The following PCDHGA5 variants were observed in gnomAD, a reference collection of about 807,000 sequenced individuals.
PCDHGA5 encodes the protein protocadherin gamma subfamily A, 5.
Under a neutral mutation model 56.7 loss-of-function variants are expected in PCDHGA5, and 36 were observed. The ratio of observed to expected loss-of-function variants is 0.64; its 90% CI spans 0.49 to 0.84. The LOEUF (loss-of-function observed/expected upper bound fraction) is 0.84. Ranked by LOEUF, PCDHGA5 falls within the 40% of genes least tolerant of loss-of-function variation. The pLI is 0.00. For missense variants in PCDHGA5, 1,305 were observed against 1,201.5 expected, an observed-to-expected ratio of 1.09 and a Z score of -1.27; for synonymous variants, 563 against 520.2, an observed-to-expected ratio of 1.08 and a Z score of -1.12.
chr5:141,399,642 G>T lies in PCDHGA5; in HGVS notation c.2421+32891G>T. 1.9e-6 allele frequency: 3 copies of T among 1,613,750 alleles called. 1 individual carries two copies. Among genetic ancestry groups the T allele is most frequent in the Non-Finnish European group, 2.5e-6 (3 of 1,179,856 alleles). ...TGGCCTCTTACGTGTCCATGAGCGC[G>T]CAAAGTGGGGTGGTGTTCGCGCAGC... On this transcript the variant is annotated intron_variant, in intron 1 of 3. Transcript: ENST00000518069.
Position 141,486,092 on chromosome 5 carries a change from C to G in PCDHGA5, c.2422-8715C>G. ...TACTGGAAAGCTTACTCTTTTGGGG[C>G]CCCTAGACTTTGAGAGTGAGAATTA... On this transcript the variant is annotated intron_variant, in intron 1 of 3. Transcript: ENST00000518069. The surrounding 1 kb of genome is among the most constrained non-coding windows in gnomAD (Gnocchi z 5.0). The G allele has an allele frequency of 6.2e-7, 1 of 1,614,148 alleles. No individual in the cohort carries two copies. Among genetic ancestry groups the G allele is most frequent in the South Asian group, 1.1e-5 (1 of 91,080 alleles).
intron 1 of PCDHGA5, chr5:141,404,633 G>C: frequency 6.2e-7 from 1 of 1,614,170 alleles, no homozygotes; most frequent in Non-Finnish European, 8.5e-7. Flanking sequence ...CAATGCCCCA[G>C]AAATCCTGTA....
At chr5:141,383,861 C>A (rs1284375260) in intron 1 of PCDHGA5, 1 of 1,613,936 alleles carries the variant, frequency 6.2e-7, no homozygotes, top group East Asian at 2.2e-5. Context: ...GAGGTTCAGG[C>A]TCAAGATGGT....
At chr5:141,418,863 TAG>T (rs1165304037) in intron 1 of PCDHGA5, 1 of 1,613,990 alleles carries the variant, frequency 6.2e-7, no homozygotes, top group Non-Finnish European at 8.5e-7. Context: ...AAAGTAATTG[TAG>T]AAGTTGTAGA....
At position 141,490,870 on chromosome 5, in the gene PCDHGA5, T is replaced by C; in HGVS notation, c.2422-3937T>C. Reference sequence around the variant, plus strand: ...GGTTCGAGACTCCGGCTCTCCCCCATTGCATGCCAACACATCTCTGCATGT... The same window carrying C: ...GGTTCGAGACTCCGGCTCTCCCCCACTGCATGCCAACACATCTCTGCATGT... On this transcript the variant is annotated intron_variant, in intron 1 of 3. Coordinates refer to ENST00000518069, the MANE Select transcript of PCDHGA5 (RefSeq NM_018918.3). The surrounding 1 kb of genome is among the most constrained non-coding windows in gnomAD (Gnocchi z 5.4). 6.2e-7 allele frequency: 1 copy of C among 1,613,888 alleles called. No homozygotes were observed. Among genetic ancestry groups the C allele is most frequent in the Non-Finnish European group, 8.5e-7 (1 of 1,179,932 alleles).
chr5:141,419,539 G>A, intron 1 of PCDHGA5: 3 of 1,612,058 alleles, frequency 1.9e-6, no homozygotes, highest in Non-Finnish European at 2.5e-6. Flanking sequence ...ACAACGCACC[G>A]CGGGTGCTGT....
intron 1 of PCDHGA5, among the ~76,000 whole-genome samples, chr5:141,405,996 G>A (rs2094743914): frequency 6.6e-6 from 1 of 151,746 alleles, no homozygotes; most frequent in Non-Finnish European, 1.5e-5. Flanking sequence ...GTAGCTCTCA[G>A]CCTGCATTGA....
In PCDHGA5 at chr5:141,395,765, C is replaced by T. The variant is rs143173330; in HGVS notation, c.2421+29014C>T. The T allele has an allele frequency of 7.5e-4, 114 of 152,628 alleles. No homozygotes were observed. The Middle Eastern group carries it at 0.03, about 41-fold the overall frequency. 9.5% of individuals were successfully genotyped at this position (152,628 alleles called of 1,614,324 possible). Reference sequence around the variant, plus strand: ...TCTTTTCTGAGCCCTGTTTCTGTACCAGTGCCCTTCAAAACTTTAATACTT... The same window carrying T: ...TCTTTTCTGAGCCCTGTTTCTGTACTAGTGCCCTTCAAAACTTTAATACTT... On this transcript the variant is annotated intron_variant, in intron 1 of 3. Coordinates refer to ENST00000518069, the MANE Select transcript of PCDHGA5 (RefSeq NM_018918.3).
chr5:141,436,099 T>C (rs1400528271), intron 1 of PCDHGA5, among the ~76,000 whole-genome samples: 1 of 152,128 alleles, frequency 6.6e-6, no homozygotes, highest in Non-Finnish European at 1.5e-5. Flanking sequence ...TTGAGAGAAA[T>C]AGAGGACAAT....
At chr5:141,484,880 T>G (rs1258072805) in intron 1 of PCDHGA5, 3 of 336,846 alleles carry the variant, frequency 8.9e-6, no homozygotes, top group Admixed American at 9.2e-5. Flanking sequence ...GAGGATAGGG[T>G]GGGCTTTTTC....
intron 1 of PCDHGA5, chr5:141,399,787 A>C (rs111395890): frequency 0.048 from 76,979 of 1,613,184 alleles, 1,998 homozygotes; most frequent in South Asian, 0.077. Flanking sequence ...CCGAAACGAC[A>C]ACGCACCGCG....
intron 1 of PCDHGA5, chr5:141,398,973 C>T: frequency 6.2e-7 from 1 of 1,613,952 alleles, no homozygotes; most frequent in Non-Finnish European, 8.5e-7. Context: ...ATTCCTTCTA[C>T]AGAACCGGGC....
At chr5:141,396,119 A>T (rs1190344282) in intron 1 of PCDHGA5, 1 of 152,250 alleles carries the variant, frequency 6.6e-6, no homozygotes, top group Non-Finnish European at 1.5e-5. Flanking sequence ...CCAATGTTTC[A>T]GGTACACAAG....
intron 1 of PCDHGA5, chr5:141,372,223 A>G: frequency 6.2e-7 from 1 of 1,613,464 alleles, no homozygotes; most frequent in Non-Finnish European, 8.5e-7. Context: ...CACATTGTGC[A>G]GGCCAGCGAG....
intron 1 of PCDHGA5, chr5:141,427,942 T>C (rs1561832592): frequency 6.3e-7 from 1 of 1,586,106 alleles, no homozygotes; most frequent in Non-Finnish European, 8.6e-7. Context: ...GTGGGCGACC[T>C]CAATGACAAT....
chr5:141,421,109 T>C (rs2096547097), intron 1 of PCDHGA5: 2 of 715,670 alleles, frequency 2.8e-6, no homozygotes, highest in East Asian at 2.8e-5. Flanking sequence ...GACTTAGAAG[T>C]ATTTTCCTTC....
chr5:141,430,383 GAAA>G (rs139772145), intron 1 of PCDHGA5, among the ~76,000 whole-genome samples: 9 of 138,566 alleles, frequency 6.5e-5, no homozygotes, highest in African/African-American at 2.4e-4. Context: ...AGCTCATTGG[GAAA>G]AAAAAAAAAA....
chr5:141,483,501 G>A (rs1022338958), intron 1 of PCDHGA5, among the ~76,000 whole-genome samples: 2 of 150,394 alleles, frequency 1.3e-5, no homozygotes, highest in Admixed American at 1.3e-4. Context: ...ATGAGTCAAG[G>A]CTGATCCCCC....
rs1031996605 is a variant in PCDHGA5, at chr5:141,487,055, G to C, written c.2422-7752G>C. ...TGCAGTCTCTCGATATGCTGGGGAG[G>C]TGCGGACGGCTGTTCCTATCCCAGC... is the stretch of plus-strand genomic sequence containing the variant. On this transcript the variant is annotated intron_variant, in intron 1 of 3. Transcript: ENST00000518069. The surrounding 1 kb of genome is among the most constrained non-coding windows in gnomAD (Gnocchi z 5.0). The C allele has an allele frequency of 6.2e-7, 1 of 1,614,186 alleles. No individual in the cohort carries two copies. The highest frequency in any genetic ancestry group is 8.5e-7 in the Non-Finnish European group (1 of 1,180,038).
Sources: gnomAD v4.1 joint callset for allele counts (sites outside exome capture counted in the v4.1 genomes callset) on GRCh38, gnomAD v4.1.1 for gene constraint, Gnocchi (gnomAD v3.1) non-coding constraint, MANE v1.5 for transcripts, NCBI Gene and HGNC (gene_info 2026-07-23, HGNC 2026-07-21) for gene names.